Variants in RPS6KA6 observed in about 807,000 individuals in gnomAD.
The protein encoded by RPS6KA6 is ribosomal protein S6 kinase A6.
A neutral mutation model predicts 65.4 loss-of-function variants in RPS6KA6; 27 were observed. The observed-to-expected ratio is 0.41, with a 90% CI of 0.30 to 0.57. RPS6KA6 has a LOEUF of 0.57. Ranked by LOEUF, RPS6KA6 falls within the 20% of genes least tolerant of loss-of-function variation. The pLI is 0.24. For synonymous variants in RPS6KA6, 190 were observed against 184.2 expected, an observed-to-expected ratio of 1.03 and a Z score of -0.26; for missense variants, 486 against 555.6, an observed-to-expected ratio of 0.87 and a Z score of 1.26.
At chrX:84,119,699 T>C (rs761638465) in intron 9 of RPS6KA6, among the ~76,000 whole-genome samples, 186 bp downstream of exon 9, 24 of 111,575 alleles carry the variant, frequency 2.2e-4, no homozygotes, top group Admixed American at 9.5e-4. Context: ...AACTTTAAAA[T>C]AAATCAGAAC....
intron 20 of RPS6KA6, among the ~76,000 whole-genome samples, chrX:84,083,796 C>T (rs759569417): frequency 8.9e-5 from 10 of 112,223 alleles, no homozygotes; most frequent in Non-Finnish European, 1.3e-4. Flanking sequence ...GGAAACACCA[C>T]GCTGTCTTCC....
intron 8 of RPS6KA6, among the ~76,000 whole-genome samples, chrX:84,127,031 C>T (rs1267247275): frequency 9.1e-6 from 1 of 110,385 alleles, no homozygotes; most frequent in Non-Finnish European, 1.9e-5. Flanking sequence ...TATAAAAGAC[C>T]AATGAAATAA....
At chrX:84,079,727 G>C (rs1471513077) in intron 20 of RPS6KA6, among the ~76,000 whole-genome samples, 1 of 112,352 alleles carries the variant, frequency 8.9e-6, no homozygotes, top group Non-Finnish European at 1.9e-5. Flanking sequence ...AAACTGGGCA[G>C]AGCCCACTGC....
intron 2 of RPS6KA6, among the ~76,000 whole-genome samples, chrX:84,160,218 C>T (rs2035489103): frequency 9.0e-6 from 1 of 111,058 alleles, no homozygotes; most frequent in Admixed American, 9.6e-5. Context: ...TTTTTTGCGA[C>T]CATAAAGTAA....
At chrX:84,097,684 G>C (rs1383898374) in intron 19 of RPS6KA6, 88 bp downstream of exon 19, 1 of 542,610 alleles carries the variant, frequency 1.8e-6, no homozygotes, top group African/African-American at 2.4e-5. Flanking sequence ...TTTCCTTAAA[G>C]TTATTTTAAT....
intron 20 of RPS6KA6, among the ~76,000 whole-genome samples, chrX:84,070,244 G>A (rs758865608): frequency 2.0e-3 from 224 of 111,548 alleles, no homozygotes; most frequent in Admixed American, 4.0e-3. Flanking sequence ...GTCCTTTGCA[G>A]GCACATGGAT....
At chrX:84,161,179 T>C (rs1247505857) in intron 2 of RPS6KA6, among the ~76,000 whole-genome samples, 7 of 111,589 alleles carry the variant, frequency 6.3e-5, no homozygotes, top group African/African-American at 2.3e-4. Flanking sequence ...ATAAACCTAT[T>C]GTAAGTTGAA....
intron 20 of RPS6KA6, among the ~76,000 whole-genome samples, chrX:84,065,834 T>C (rs1185049481): frequency 1.8e-5 from 2 of 112,005 alleles, no homozygotes; most frequent in African/African-American, 3.2e-5. Flanking sequence ...TCTGGCAAGA[T>C]GGCCGAATAA....
chrX:84,142,982 T>G (rs2035133563), intron 6 of RPS6KA6, among the ~76,000 whole-genome samples: 1 of 110,977 alleles, frequency 9.0e-6, no homozygotes, highest in African/African-American at 3.3e-5. Flanking sequence ...ACTCATTCTA[T>G]GGAGTCAGAA....
At chrX:84,145,456 G>A (rs1186102533) in intron 6 of RPS6KA6, 22 bp downstream of exon 6, 13 of 989,975 alleles carry the variant, frequency 1.3e-5, no homozygotes, top group African/African-American at 2.0e-5. Context: ...AGAAAATACA[G>A]TAAAAATGTA....
At chrX:84,150,846 GAT>G (rs1259226474) in intron 3 of RPS6KA6, among the ~76,000 whole-genome samples, 3 of 90,140 alleles carry the variant, frequency 3.3e-5, no homozygotes, top group South Asian at 5.2e-4. Flanking sequence ...ATATATATAG[GAT>G]ATATATATAT....
intron 4 of RPS6KA6, 112 bp downstream of exon 4, chrX:84,147,930 A>G (rs2035227911): frequency 2.4e-6 from 1 of 413,835 alleles, no homozygotes; most frequent in African/African-American, 2.5e-5. Flanking sequence ...ACTGCCACAA[A>G]TACCAATGTT....
At chrX:84,096,021 T>C (rs1243449167) in intron 20 of RPS6KA6, among the ~76,000 whole-genome samples, 173 bp downstream of exon 20, 2 of 111,907 alleles carry the variant, frequency 1.8e-5, no homozygotes, top group Middle Eastern at 4.6e-3. Flanking sequence ...CCCAGAAACA[T>C]GGTAAAACCA....
chrX:84,096,253 C>T lies in RPS6KA6; in HGVS notation c.1912G>A (p.Gly638Ser). ...DTPEEILLRI[G>S]NGKFSLSGGN... ...CCACTCAAAGAGAATTTTCCATTGC[C>T]TATACGCAGCAGTATCTCTTCAGGA... The change falls in exon 20 of 22, where the codon GGC becomes AGC. Residue 638 changes from glycine (G) to serine (S), a missense_variant. Around this residue, in one of 3 missense-constraint regions of RPS6KA6, gnomAD observed 345 missense variants for 375.0 expected, o/e 0.92. Transcript: ENST00000262752. 1 of 1,199,953 alleles carries T rather than the reference C, an allele frequency of 8.3e-7. No individual in the cohort carries two copies. The highest frequency in any genetic ancestry group is 1.1e-6 in the Non-Finnish European group (1 of 886,755).
intron 20 of RPS6KA6, among the ~76,000 whole-genome samples, chrX:84,087,127 T>C (rs1156752452): frequency 9.0e-6 from 1 of 111,655 alleles, no homozygotes; most frequent in African/African-American, 3.3e-5. Context: ...TCTGTGTCTT[T>C]TAATTGAGGA....
At chrX:84,147,737 C>T (rs2035224484) in intron 4 of RPS6KA6, among the ~76,000 whole-genome samples, 1 of 111,776 alleles carries the variant, frequency 8.9e-6, no homozygotes, top group African/African-American at 3.3e-5. Flanking sequence ...AATACTGACA[C>T]AGATAGAAAA....
chrX:84,100,278 C>T (rs1322583690), intron 18 of RPS6KA6, among the ~76,000 whole-genome samples: 1 of 110,894 alleles, frequency 9.0e-6, no homozygotes, highest in South Asian at 3.7e-4. Flanking sequence ...AAGTGTCTTA[C>T]TACAGTGTAC....
intron 4 of RPS6KA6, 39 bp from the exon 5 acceptor site, chrX:84,147,097 C>CTGAA: frequency 1.3e-6 from 1 of 755,749 alleles, no homozygotes; most frequent in Non-Finnish European, 2.0e-6. Flanking sequence ...TGCTCTCTTA[C>CTGAA]ATCATTTCAG....
In RPS6KA6 at chrX:84,102,019, G is replaced by A. The variant is rs747227065; in HGVS notation, c.1776+18C>T. On this transcript the variant is annotated intron_variant, in intron 18 of 21. Coordinates refer to ENST00000262752, the MANE Select transcript of RPS6KA6 (RefSeq NM_014496.5). ...AGGAAAAGAATGAAAGGCAAATGGT[G>A]AAGTTTTTAAGGAATACCTCAGGTG... The A allele has an allele frequency of 2.1e-5, 24 of 1,146,776 alleles. No homozygotes were observed. In the Admixed American group the frequency reaches 5.6e-4, roughly 27 times the overall value. The allele number at this position is 1,146,776 out of a possible 1,213,427, so 94.5% of individuals were successfully genotyped here.
Sources: gnomAD v4.1 joint callset for allele counts (sites outside exome capture counted in the v4.1 genomes callset) on GRCh38, gnomAD v4.1.1 for gene constraint, gnomAD v4.1.1 regional missense constraint, MANE v1.5 for transcripts, NCBI Gene and HGNC (gene_info 2026-07-23, HGNC 2026-07-21) for gene names.